CDC5L: variants seen among roughly 807,000 people sequenced by gnomAD.
The protein encoded by CDC5L is cell division cycle 5 like.
In CDC5L, 18 loss-of-function variants were observed where a neutral mutation model predicts 104.1. That is an observed-to-expected ratio of 0.17 (90% CI 0.12 to 0.26). The LOEUF (loss-of-function observed/expected upper bound fraction) is 0.26, where lower values mean the gene tolerates loss of function less well. Among genes scored for constraint, CDC5L ranks in the 10% least tolerant of loss-of-function variants. The pLI is 1.00. For synonymous variants in CDC5L, 331 were observed against 322.7 expected (o/e 1.03, Z -0.28); for missense variants, 673 against 956.9 (o/e 0.70, Z 3.91).
intron 8 of CDC5L, among the ~76,000 whole-genome samples, chr6:44,416,078 G>A (rs1791894471): frequency 1.3e-5 from 2 of 152,162 alleles, no homozygotes; most frequent in Admixed American, 1.3e-4. Flanking sequence ...GGTAAGAGGA[G>A]TTTTGCTTCT....
intron 3 of CDC5L, 45 bp from the exon 4 acceptor site, chr6:44,393,401 T>A: frequency 6.5e-7 from 1 of 1,533,868 alleles, no homozygotes; most frequent in Non-Finnish European, 8.8e-7. Flanking sequence ...ATTTTAACTC[T>A]AAATGGTACT....
Position 44,393,577 on chromosome 6 carries a change from AGT to A in CDC5L, c.439+7_439+8del, listed in dbSNP as rs1790718328. The A allele has an allele frequency of 6.2e-7, 1 of 1,610,458 alleles. No homozygotes were observed. Among genetic ancestry groups the A allele is most frequent in the African/African-American group, 1.3e-5 (1 of 74,650 alleles). On this transcript the variant is annotated splice_donor_5th_base_variant and intron_variant, in intron 4 of 15. Transcript: ENST00000371477. ...GATCCAATTGATATGGATGAGGGTA[AGT>A]GTATGCTTTGAGGAATTTATTTCTT... is the stretch of plus-strand genomic sequence containing the variant.
intron 5 of CDC5L, among the ~76,000 whole-genome samples, chr6:44,401,646 A>G (rs1458188333): frequency 1.3e-5 from 2 of 151,738 alleles, no homozygotes; most frequent in African/African-American, 4.8e-5. Flanking sequence ...TCTTTTTTAA[A>G]TTTAATTTAA....
At chr6:44,390,973 GTTATATA>G (rs1213264404) in intron 2 of CDC5L, among the ~76,000 whole-genome samples, 12 of 114,678 alleles carry the variant, frequency 1.0e-4, no homozygotes, top group South Asian at 3.1e-4. Flanking sequence ...TATTTAATAT[GTTATATA>G]TTATATATTA....
chr6:44,440,242 C>CTTTTT (rs770556481), intron 14 of CDC5L, among the ~76,000 whole-genome samples: 1 of 138,894 alleles, frequency 7.2e-6, no homozygotes, highest in Non-Finnish European at 1.6e-5. Flanking sequence ...TTGACTTAGA[C>CTTTTT]TTTTTTTTTT....
At chr6:44,389,638 T>C (rs937957175) in intron 1 of CDC5L, among the ~76,000 whole-genome samples, 1 of 152,002 alleles carries the variant, frequency 6.6e-6, no homozygotes, top group South Asian at 2.1e-4. Flanking sequence ...GGTAGAAATA[T>C]GTAATTCTTA....
At chr6:44,394,663 C>T (rs980000561) in intron 4 of CDC5L, among the ~76,000 whole-genome samples, 46 of 125,634 alleles carry the variant, frequency 3.7e-4, no homozygotes, top group African/African-American at 1.2e-3. Context: ...CAAGATCAGC[C>T]TGGCCAACAT....
At chr6:44,435,805 G>A (rs1001285646) in intron 14 of CDC5L, 3 of 148,656 alleles carry the variant, frequency 2.0e-5, no homozygotes, top group African/African-American at 7.4e-5. Flanking sequence ...TTTTTGAGAT[G>A]GAATTTTGTT....
chr6:44,443,508 C>T (rs1793308404), intron 14 of CDC5L, among the ~76,000 whole-genome samples: 1 of 151,628 alleles, frequency 6.6e-6, no homozygotes, highest in African/African-American at 2.4e-5. Context: ...TCCCATAAGT[C>T]TCTTAAGTCA....
intron 5 of CDC5L, among the ~76,000 whole-genome samples, chr6:44,402,963 G>A (rs1388089405): frequency 6.6e-6 from 1 of 152,160 alleles, no homozygotes; most frequent in African/African-American, 2.4e-5. Flanking sequence ...TTAGTGAACA[G>A]CTTTGTAATT....
intron 1 of CDC5L, 83 bp downstream of exon 1, chr6:44,387,951 C>T (rs1790409161): frequency 3.0e-6 from 4 of 1,344,792 alleles, no homozygotes; most frequent in Non-Finnish European, 3.1e-6. Flanking sequence ...GGGGGGGCGA[C>T]GAGGAGACCC....
At chr6:44,428,095 T>C (rs1160934968) in intron 13 of CDC5L, among the ~76,000 whole-genome samples, 1 of 152,238 alleles carries the variant, frequency 6.6e-6, no homozygotes, top group Non-Finnish European at 1.5e-5. Flanking sequence ...AAAGATAACT[T>C]AGCCATATTC....
At chr6:44,426,312 C>T (rs1792420379) in intron 12 of CDC5L, 129 bp downstream of exon 12, 1 of 770,252 alleles carries the variant, frequency 1.3e-6, no homozygotes, top group Non-Finnish European at 2.1e-6. Flanking sequence ...AAGTAGTTCT[C>T]AAATCCAATC....
At chr6:44,422,578 GA>G in intron 9 of CDC5L, 68 bp from the exon 10 acceptor site, 1 of 960,706 alleles carries the variant, frequency 1.0e-6, no homozygotes, top group Non-Finnish European at 1.5e-6. Flanking sequence ...TAATTTATGT[GA>G]AAAACATTTG....
At position 44,426,112 on chromosome 6, in the gene CDC5L, G is replaced by T; in HGVS notation, c.1579G>T (p.Asp527Tyr). The T allele has an allele frequency of 6.2e-7, 1 of 1,600,448 alleles. No homozygotes were observed. Among genetic ancestry groups the T allele is most frequent in the Non-Finnish European group, 8.5e-7 (1 of 1,171,742 alleles). ...AAAAATCATTTTTTAGGCCATACGA[G>T]ATGCAGAGCGTGTAAAGGAAATGAA... ...DVDARKQAIR[D>Y]AERVKEMKRM... Residue 527 changes from aspartate to tyrosine, a missense_variant, in exon 12 of 16, where the codon GAT (aspartate) becomes TAT (tyrosine). Transcript: ENST00000371477.
intron 13 of CDC5L, among the ~76,000 whole-genome samples, 181 bp downstream of exon 13, chr6:44,426,905 C>T (rs1446894919): frequency 6.6e-6 from 1 of 152,132 alleles, no homozygotes; most frequent in Non-Finnish European, 1.5e-5. Flanking sequence ...TACCTCCATC[C>T]CCCGTGTTCA....
At position 44,393,575 on chromosome 6, in the gene CDC5L, T is replaced by A. The variant is rs1161901012; in HGVS notation, c.439+2T>A. On this transcript the variant is annotated splice_donor_variant, in intron 4 of 15. Transcript: ENST00000371477. LOFTEE classifies it high-confidence loss of function. The stretch of plus-strand genomic sequence containing the variant: ...CTGATCCAATTGATATGGATGAGGG[T>A]AAGTGTATGCTTTGAGGAATTTATT... 1 of 1,612,248 alleles carries A rather than the reference T, an allele frequency of 6.2e-7. No homozygotes were observed.
At chr6:44,435,968 A>G (rs1419496952) in intron 14 of CDC5L, among the ~76,000 whole-genome samples, 1 of 151,926 alleles carries the variant, frequency 6.6e-6, no homozygotes, top group Non-Finnish European at 1.5e-5. Flanking sequence ...TTTAGTAGAG[A>G]CGGGTTTCAC....
chr6:44,436,251 T>C (rs1330928039), intron 14 of CDC5L, among the ~76,000 whole-genome samples: 3 of 152,226 alleles, frequency 2.0e-5, no homozygotes, highest in Non-Finnish European at 4.4e-5. Context: ...GGTTTGATAC[T>C]ATGAGGTATT....
Sources: allele counts gnomAD v4.1 joint callset (sites outside exome capture counted in the v4.1 genomes callset), GRCh38; gene constraint gnomAD v4.1.1; transcripts MANE v1.5; gene names NCBI Gene and HGNC (gene_info 2026-07-23, HGNC 2026-07-21).